SLC1A1: variants seen among roughly 807,000 people sequenced by gnomAD.
The protein encoded by SLC1A1 is solute carrier family 1 member 1.
SLC1A1 carries 43 observed loss-of-function variants against 53.3 expected under a neutral mutation model. The observed-to-expected ratio is 0.81, with a 90% CI of 0.63 to 1.04. The LOEUF is 1.04. Among genes scored for constraint, SLC1A1 ranks in the 50% least tolerant of loss-of-function variants. The pLI, the probability that SLC1A1 is intolerant of heterozygous loss-of-function variation, is 0.00. For synonymous variants in SLC1A1, 307 were observed against 243.2 expected, an observed-to-expected ratio of 1.26 and a Z score of -2.44; for missense variants, 748 against 664.9, an observed-to-expected ratio of 1.12 and a Z score of -1.37.
At chr9:4,541,575 G>C (rs1817013316) in intron 1 of SLC1A1, among the ~76,000 whole-genome samples, 1 of 152,130 alleles carries the variant, frequency 6.6e-6, no homozygotes, top group Non-Finnish European at 1.5e-5. Context: ...GTCTTCCCTG[G>C]CACCCTTTAG....
At chr9:4,506,428 G>A (rs1213939849) in intron 1 of SLC1A1, among the ~76,000 whole-genome samples, 1 of 152,144 alleles carries the variant, frequency 6.6e-6, no homozygotes. Context: ...TAAGTAAATT[G>A]ATATAACCTA....
At chr9:4,524,399 A>G (rs1037442379) in intron 1 of SLC1A1, among the ~76,000 whole-genome samples, 1 of 152,216 alleles carries the variant, frequency 6.6e-6, no homozygotes, top group African/African-American at 2.4e-5. Context: ...CTCCAGACCA[A>G]TGCAGAGCCA....
intron 1 of SLC1A1, among the ~76,000 whole-genome samples, chr9:4,512,223 C>T (rs1350955029): frequency 6.6e-6 from 1 of 152,106 alleles, no homozygotes; most frequent in East Asian, 1.9e-4. Context: ...TTCTAAAATT[C>T]ATATGGAGGC....
intron 1 of SLC1A1, among the ~76,000 whole-genome samples, chr9:4,517,852 C>T (rs1458046167): frequency 6.6e-6 from 1 of 152,108 alleles, no homozygotes; most frequent in African/African-American, 2.4e-5. Context: ...CTCACTTCTG[C>T]CCTGATCCCT....
intron 1 of SLC1A1, among the ~76,000 whole-genome samples, chr9:4,491,002 G>T (rs942050479): frequency 6.6e-6 from 1 of 152,220 alleles, no homozygotes; most frequent in Non-Finnish European, 1.5e-5. Context: ...TTGAGCTGCT[G>T]GTTCCTGCTC....
chr9:4,498,198 T>C (rs1476880445), intron 1 of SLC1A1, among the ~76,000 whole-genome samples: 1 of 152,170 alleles, frequency 6.6e-6, no homozygotes, highest in Non-Finnish European at 1.5e-5. Flanking sequence ...CAAAGGGCAT[T>C]ACAAGATGAT....
At chr9:4,511,832 T>C (rs916291849) in intron 1 of SLC1A1, among the ~76,000 whole-genome samples, 2 of 152,126 alleles carry the variant, frequency 1.3e-5, no homozygotes, top group African/African-American at 4.8e-5. Flanking sequence ...CCCAAGAAAT[T>C]ACAAAATAAA....
At chr9:4,576,817 TA>T in intron 10 of SLC1A1, 54 bp downstream of exon 10, 2 of 1,525,974 alleles carry the variant, frequency 1.3e-6, no homozygotes, top group Non-Finnish European at 1.8e-6. Flanking sequence ...TTACCGCCAG[TA>T]AAAATTGTCC....
intron 5 of SLC1A1, among the ~76,000 whole-genome samples, chr9:4,566,545 TCTC>T (rs1409264127): frequency 1.3e-5 from 2 of 152,110 alleles, no homozygotes; most frequent in East Asian, 1.9e-4. Context: ...GGTTCAGTCT[TCTC>T]CTTAATCATT....
chr9:4,559,907 T>C (rs969795140), intron 2 of SLC1A1: 1 of 152,150 alleles, frequency 6.6e-6, no homozygotes, highest in Admixed American at 6.5e-5. Flanking sequence ...TTTGACTCCG[T>C]TTATATGAGC....
Position 4,572,188 on chromosome 9 carries a change from T to C in SLC1A1, c.583-16T>C. On this transcript the variant is annotated splice_polypyrimidine_tract_variant and intron_variant, in intron 6 of 11. Coordinates refer to ENST00000262352, the MANE Select transcript of SLC1A1 (RefSeq NM_004170.6). ...ATAATCGTGCATCAATATGTTTTCT[T>C]GGTTTTGATCCACAGAACAAAACAA... 6.2e-7 allele frequency: 1 copy of C among 1,608,302 alleles called. No homozygotes were observed. The highest frequency in any genetic ancestry group is 1.1e-5 in the South Asian group (1 of 90,984).
chr9:4,515,168 G>C (rs1821122933), intron 1 of SLC1A1, among the ~76,000 whole-genome samples: 1 of 151,970 alleles, frequency 6.6e-6, no homozygotes, highest in Admixed American at 6.6e-5. Flanking sequence ...CAAAGTGAGT[G>C]TCCCAAGAAG....
At chr9:4,527,027 G>C (rs778577893) in intron 1 of SLC1A1, among the ~76,000 whole-genome samples, 8 of 152,144 alleles carry the variant, frequency 5.3e-5, no homozygotes, top group Admixed American at 2.6e-4. Context: ...ACTTAATAAA[G>C]TGGAAGCCCT....
chr9:4,498,443 T>C (rs944251775), intron 1 of SLC1A1, among the ~76,000 whole-genome samples: 4 of 152,134 alleles, frequency 2.6e-5, no homozygotes, highest in Non-Finnish European at 5.9e-5. Flanking sequence ...AAACACTAAA[T>C]AAAATAATAG....
chr9:4,529,143 T>C (rs1037514361), intron 1 of SLC1A1, among the ~76,000 whole-genome samples: 1 of 152,170 alleles, frequency 6.6e-6, no homozygotes. Flanking sequence ...AGCAGCCACT[T>C]ACAGGATTCG....
intron 1 of SLC1A1, among the ~76,000 whole-genome samples, chr9:4,528,445 C>T (rs1001929893): frequency 3.3e-5 from 5 of 151,826 alleles, no homozygotes; most frequent in Admixed American, 1.3e-4. Flanking sequence ...GCATGGTGGC[C>T]GGTGCCTGTA....
At chr9:4,561,084 G>C (rs1396858287) in intron 2 of SLC1A1, among the ~76,000 whole-genome samples, 1 of 152,130 alleles carries the variant, frequency 6.6e-6, no homozygotes, top group Non-Finnish European at 1.5e-5. Context: ...TTCCAAAGGA[G>C]GTTTATCACA....
chr9:4,522,208 C>T (rs887681399), intron 1 of SLC1A1, among the ~76,000 whole-genome samples: 6 of 151,796 alleles, frequency 4.0e-5, no homozygotes, highest in Non-Finnish European at 7.4e-5. Flanking sequence ...CCCACCACCA[C>T]GCCCGGCTAA....
rs1819283309 is a variant in SLC1A1, at chr9:4,564,389, T to A, written c.371T>A (p.Val124Glu). ...VSIKPGVTQK[V>E]GEIARTGSTP... Reference sequence around the variant, plus strand: ...ATCAAGCCTGGTGTCACCCAGAAAGTGGGTGAAATTGCGAGGACAGGCAGC... The same window carrying A: ...ATCAAGCCTGGTGTCACCCAGAAAGAGGGTGAAATTGCGAGGACAGGCAGC... Residue 124 changes from valine to glutamate, a missense_variant, in exon 4 of 12, where the codon GTG becomes GAG. Physicochemically the swap from Val to Glu is moderately radical, Grantham distance 121. Coordinates refer to ENST00000262352, the MANE Select transcript of SLC1A1 (RefSeq NM_004170.6). The A allele has an allele frequency of 6.2e-7, 1 of 1,613,664 alleles. No individual in the cohort carries two copies. The highest frequency in any genetic ancestry group is 1.7e-5 in the Admixed American group (1 of 59,962).
Sources: gnomAD v4.1 joint callset for allele counts (sites outside exome capture counted in the v4.1 genomes callset) on GRCh38, gnomAD v4.1.1 for gene constraint, MANE v1.5 for transcripts, NCBI Gene and HGNC (gene_info 2026-07-23, HGNC 2026-07-21) for gene names.